SLC25A13: variants seen among roughly 807,000 people sequenced by gnomAD.
SLC25A13 encodes the protein electrogenic aspartate/glutamate antiporter SLC25A13, mitochondrial.
Under a neutral mutation model 85.5 loss-of-function variants are expected in SLC25A13, and 70 were observed. That is an observed-to-expected ratio of 0.82 (90% CI 0.68 to 1.00). The LOEUF (loss-of-function observed/expected upper bound fraction) is 1.00. SLC25A13 is among the 50% of genes least tolerant of loss of function. The pLI is 0.00. For synonymous variants in SLC25A13, 259 were observed against 288.7 expected, an observed-to-expected ratio of 0.90 and a Z score of 1.04; for missense variants, 765 against 819.8, an observed-to-expected ratio of 0.93 and a Z score of 0.82.
intron 4 of SLC25A13, among the ~76,000 whole-genome samples, chr7:96,222,657 G>T (rs1796177491): frequency 6.6e-6 from 1 of 152,066 alleles, no homozygotes; most frequent in Non-Finnish European, 1.5e-5. Flanking sequence ...TGTTGGCCAG[G>T]ATGGTCTCGA....
intron 2 of SLC25A13, among the ~76,000 whole-genome samples, chr7:96,296,410 T>C (rs1411184157): frequency 6.6e-6 from 1 of 151,784 alleles, no homozygotes; most frequent in Non-Finnish European, 1.5e-5. Flanking sequence ...CATGTTGTCA[T>C]CACAGTCACC....
At chr7:96,192,399 A>G (rs1794890030) in intron 6 of SLC25A13, among the ~76,000 whole-genome samples, 1 of 152,192 alleles carries the variant, frequency 6.6e-6, no homozygotes, top group Non-Finnish European at 1.5e-5. Flanking sequence ...ATAGGCCTAG[A>G]AGAGATCTCA....
At chr7:96,155,286 G>A (rs890173331) in intron 13 of SLC25A13, among the ~76,000 whole-genome samples, 3 of 152,148 alleles carry the variant, frequency 2.0e-5, no homozygotes, top group African/African-American at 7.2e-5. Context: ...GTTGTGTAAG[G>A]ATTTTTTTTC....
At chr7:96,219,031 A>C (rs1796003028) in intron 4 of SLC25A13, among the ~76,000 whole-genome samples, 1 of 152,208 alleles carries the variant, frequency 6.6e-6, no homozygotes, top group Admixed American at 6.5e-5. Flanking sequence ...ACCTATCTCT[A>C]CTGCCATATG....
At chr7:96,151,870 G>A (rs954544789) in intron 13 of SLC25A13, among the ~76,000 whole-genome samples, 21 of 151,836 alleles carry the variant, frequency 1.4e-4, no homozygotes, top group African/African-American at 3.1e-4. Flanking sequence ...ACTTGATCCC[G>A]GGCAGCGGAG....
At chr7:96,187,072 C>G (rs1794670342) in intron 9 of SLC25A13, among the ~76,000 whole-genome samples, 1 of 152,160 alleles carries the variant, frequency 6.6e-6, no homozygotes, top group Admixed American at 6.5e-5. Context: ...CTATTATCCT[C>G]ACAGTGTTTT....
intron 4 of SLC25A13, among the ~76,000 whole-genome samples, chr7:96,220,840 G>A (rs1453720540): frequency 6.6e-6 from 1 of 152,026 alleles, no homozygotes; most frequent in African/African-American, 2.4e-5. Flanking sequence ...GCAGCCCCCA[G>A]TCCAGTCTCT....
intron 4 of SLC25A13, among the ~76,000 whole-genome samples, chr7:96,224,224 G>T (rs1010443549): frequency 6.6e-6 from 1 of 152,070 alleles, no homozygotes; most frequent in African/African-American, 2.4e-5. Flanking sequence ...CCTAAATAAT[G>T]ATCACTGGCA....
chr7:96,223,789 G>GAAA (rs56882933), intron 4 of SLC25A13, among the ~76,000 whole-genome samples: 6 of 94,208 alleles, frequency 6.4e-5, no homozygotes, highest in Non-Finnish European at 1.1e-4. Flanking sequence ...CTCCATCTCT[G>GAAA]AAAAAAAAAA....
chr7:96,321,961 C>T lies in SLC25A13; in HGVS notation c.-5G>A, dbSNP rs1326080453. 3 of 1,540,698 alleles carry T rather than the reference C, an allele frequency of 1.9e-6. No individual in the cohort carries two copies. The highest frequency in any genetic ancestry group is 2.0e-5 in the Admixed American group (1 of 51,034). On this transcript the variant is annotated 5_prime_UTR_variant, in exon 1 of 18. Coordinates refer to ENST00000265631, the MANE Select transcript of SLC25A13 (RefSeq NM_014251.3). ...GGTTACCTTGGCGGCCGCCATGATT[C>T]GCCCCGGTTGCGGGCGACTGCGGGA...
intron 2 of SLC25A13, among the ~76,000 whole-genome samples, chr7:96,289,911 G>A (rs971561244): frequency 1.3e-4 from 20 of 152,122 alleles, no homozygotes; most frequent in South Asian, 2.1e-4. Context: ...TACAAAGAAC[G>A]CCACAAAGAT....
At chr7:96,206,684 C>T (rs1795474639) in intron 5 of SLC25A13, among the ~76,000 whole-genome samples, 1 of 152,162 alleles carries the variant, frequency 6.6e-6, no homozygotes, top group South Asian at 2.1e-4. Context: ...AATCATCCCA[C>T]ATAGGACACT....
At chr7:96,310,891 AAAGTTT>A (rs1328680772) in intron 1 of SLC25A13, among the ~76,000 whole-genome samples, 1 of 152,206 alleles carries the variant, frequency 6.6e-6, no homozygotes, top group Non-Finnish European at 1.5e-5. Context: ...TACATACCAT[AAAGTTT>A]ACCATTGTAA....
At chr7:96,209,693 T>C (rs779165062) in intron 4 of SLC25A13, among the ~76,000 whole-genome samples, 5 of 152,152 alleles carry the variant, frequency 3.3e-5, no homozygotes, top group East Asian at 1.9e-4. Context: ...GATCTCTTTT[T>C]AGCCTCTACA....
intron 7 of SLC25A13, 144 bp downstream of exon 7, chr7:96,190,965 T>C: frequency 9.3e-7 from 1 of 1,075,076 alleles, no homozygotes; most frequent in South Asian, 1.3e-5. Context: ...GTTTGTCTGA[T>C]CAAAGGATGA....
chr7:96,158,893 C>T (rs962955649), intron 13 of SLC25A13, among the ~76,000 whole-genome samples: 15 of 152,190 alleles, frequency 9.9e-5, no homozygotes, highest in African/African-American at 3.6e-4. Flanking sequence ...CATTTACTTT[C>T]TTACTAACTC....
chr7:96,316,959 C>A (rs146940080), intron 1 of SLC25A13, among the ~76,000 whole-genome samples: 3 of 151,960 alleles, frequency 2.0e-5, no homozygotes, highest in Admixed American at 6.6e-5. Context: ...CCTAATTATC[C>A]GATCTTTTTT....
Position 96,251,365 on chromosome 7 carries a change from G to A in SLC25A13, c.213-16448C>T, listed in dbSNP as rs540568535. On this transcript the variant is annotated intron_variant, in intron 3 of 17. Coordinates refer to ENST00000265631, the MANE Select transcript of SLC25A13 (RefSeq NM_014251.3). ...TTTGGCTTTTACTCTGAGTGAAAATGGAGAGCCATAAAGGATTGTGAGCCA... is the reference window on the plus strand; with the variant it reads ...TTTGGCTTTTACTCTGAGTGAAAATAGAGAGCCATAAAGGATTGTGAGCCA... Among the ~76,000 whole-genome samples the A allele has an allele frequency of 4.7e-4, 71 of 152,296 alleles. No homozygotes were observed. The Middle Eastern group carries it at 0.01, about 22-fold the overall frequency.
rs749877264 is a variant in SLC25A13 at position 96,322,021 on chromosome 7, G to A, written c.-65C>T. On this transcript the variant is annotated 5_prime_UTR_variant, in exon 1 of 18. Transcript: ENST00000265631. ...TGGCTGGCTGGCGTTTGGGACCCGGGCGGCTCACTTCTAGTCCCGGCGGCG... is the reference window on the plus strand; with the variant it reads ...TGGCTGGCTGGCGTTTGGGACCCGGACGGCTCACTTCTAGTCCCGGCGGCG... 6.5e-6 allele frequency: 10 copies of A among 1,529,492 alleles called. No individual in the cohort carries two copies. The Admixed American group carries it at 8.1e-5, about 12-fold the overall frequency. 94.7% of individuals were successfully genotyped at this position (1,529,492 alleles called of 1,614,324 possible). A position where few individuals can be genotyped will look rare whatever the true frequency, so the allele number is the denominator to read the frequency against.
Sources: allele counts gnomAD v4.1 joint callset (sites outside exome capture counted in the v4.1 genomes callset), GRCh38; gene constraint gnomAD v4.1.1; transcripts MANE v1.5; gene names NCBI Gene and HGNC (gene_info 2026-07-23, HGNC 2026-07-21).